UNC5D: variants seen among roughly 807,000 people sequenced by gnomAD.
UNC5D encodes unc-5 netrin receptor D, also known as netrin receptor UNC5D.
UNC5D carries 39 observed loss-of-function variants against 105.4 expected under a neutral mutation model. The ratio of observed to expected loss-of-function variants is 0.37; its 90% CI spans 0.29 to 0.48. The LOEUF is 0.48. Ranked by LOEUF, UNC5D falls within the 20% of genes least tolerant of loss-of-function variation. UNC5D has a pLI of 0.98. For missense variants in UNC5D, 991 were observed against 1,202.4 expected (o/e 0.82, Z 2.60); for synonymous variants, 452 against 450.4 (o/e 1.00, Z -0.04).
At chr8:35,538,351 C>T (rs1367377124) in intron 1 of UNC5D, among the ~76,000 whole-genome samples, 1 of 143,290 alleles carries the variant, frequency 7.0e-6, no homozygotes, top group South Asian at 2.3e-4. Flanking sequence ...ATACAGGGCC[C>T]ACGTCATGAA....
intron 4 of UNC5D, among the ~76,000 whole-genome samples, chr8:35,613,873 C>A (rs1418123734): frequency 6.6e-6 from 1 of 152,108 alleles, no homozygotes; most frequent in Admixed American, 6.5e-5. Context: ...AAACCCTGCA[C>A]ATTTTGGTAC....
Position 35,778,217 on chromosome 8 carries a change from G to A in UNC5D, c.2657+3740G>A, listed in dbSNP as rs369106732. 2.8e-4 allele frequency among the ~76,000 whole-genome samples: 42 copies of A among 152,278 alleles called. 1 individual carries two copies. Among genetic ancestry groups the A allele is most frequent in the African/African-American group, 9.6e-4 (40 of 41,564 alleles). On this transcript the variant is annotated intron_variant, in intron 16 of 16. Coordinates refer to ENST00000404895, the MANE Select transcript of UNC5D (RefSeq NM_080872.4). ...CTCATTCAGTTCTGTCTTCAGGCTG[G>A]TGTGGTTACAGCAGAGCTGGCCACC...
chr8:35,273,249 C>A (rs187348631), intron 1 of UNC5D, among the ~76,000 whole-genome samples: 1 of 152,264 alleles, frequency 6.6e-6, no homozygotes, highest in East Asian at 1.9e-4. Context: ...CAGCACTTCC[C>A]GAATTAATCA....
At chr8:35,651,339 A>G (rs1823389377) in intron 4 of UNC5D, among the ~76,000 whole-genome samples, 1 of 152,166 alleles carries the variant, frequency 6.6e-6, no homozygotes. Flanking sequence ...GAGTCAACAT[A>G]AAAGATAAAA....
intron 1 of UNC5D, among the ~76,000 whole-genome samples, chr8:35,362,307 A>T (rs1487824602): frequency 6.6e-6 from 1 of 152,148 alleles, no homozygotes; most frequent in African/African-American, 2.4e-5. Flanking sequence ...AAGTAAATGG[A>T]TTTTCCTTTT....
intron 1 of UNC5D, chr8:35,255,374 A>C (rs941389152): frequency 6.6e-6 from 1 of 152,214 alleles, no homozygotes; most frequent in African/African-American, 2.4e-5. Flanking sequence ...CAAGCTCTTC[A>C]GAAAAGTTAT....
chr8:35,578,271 A>T (rs1396036966), intron 3 of UNC5D, among the ~76,000 whole-genome samples: 16 of 113,850 alleles, frequency 1.4e-4, no homozygotes, highest in Admixed American at 3.2e-4. Flanking sequence ...CTCTGTCTCA[A>T]AAAAAAAAAA....
intron 15 of UNC5D, among the ~76,000 whole-genome samples, chr8:35,773,686 G>T (rs991856523): frequency 1.3e-5 from 2 of 151,742 alleles, no homozygotes; most frequent in Non-Finnish European, 2.9e-5. Flanking sequence ...AACAGAAAAA[G>T]AGTCTAATTC....
chr8:35,733,899 A>T (rs1345340418), intron 11 of UNC5D, among the ~76,000 whole-genome samples: 1 of 152,182 alleles, frequency 6.6e-6, no homozygotes, highest in African/African-American at 2.4e-5. Context: ...AGTAAGGTCT[A>T]TAGCTCAATG....
At chr8:35,587,796 T>A (rs1408816737) in intron 3 of UNC5D, among the ~76,000 whole-genome samples, 1 of 151,794 alleles carries the variant, frequency 6.6e-6, no homozygotes, top group Non-Finnish European at 1.5e-5. Context: ...AAGGGATCTT[T>A]TTTTGGACGT....
At chr8:35,676,608 A>G (rs1431895186) in intron 4 of UNC5D, among the ~76,000 whole-genome samples, 1 of 152,232 alleles carries the variant, frequency 6.6e-6, no homozygotes, top group Non-Finnish European at 1.5e-5. Flanking sequence ...ATTGTTAAAT[A>G]ATTTCTGAAC....
chr8:35,239,322 C>T (rs1396503749), intron 1 of UNC5D, among the ~76,000 whole-genome samples: 2 of 152,128 alleles, frequency 1.3e-5, no homozygotes, highest in Admixed American at 6.5e-5. Flanking sequence ...TTCTACACTG[C>T]GCTGTCTTAT....
chr8:35,460,351 A>T (rs1808803528), intron 1 of UNC5D, among the ~76,000 whole-genome samples: 1 of 152,260 alleles, frequency 6.6e-6, no homozygotes, highest in East Asian at 1.9e-4. Flanking sequence ...AGTGGAGCCA[A>T]CTCAGGAATC....
At position 35,595,645 on chromosome 8, in the gene UNC5D, C is replaced by A; in HGVS notation, c.558C>A (p.Val186=). 5 of 1,613,946 alleles carry A rather than the reference C, an allele frequency of 3.1e-6. No individual in the cohort carries two copies. The highest frequency in any genetic ancestry group is 4.2e-6 in the Non-Finnish European group (5 of 1,179,910). The change falls in exon 4 of 17, where the codon GTC becomes GTA. Residue 186 remains valine (V), a synonymous_variant. Transcript: ENST00000404895. ...TGCACTGCCGCCCACCAGAGGGAGT[C>A]CCTGCTGCCGAGGTAAGACAGGATC... ...IVLHCRPPEG[V]PAAEVEWLKN...
At chr8:35,248,960 TA>T (rs1357924201) in intron 1 of UNC5D, among the ~76,000 whole-genome samples, 7 of 94,534 alleles carry the variant, frequency 7.4e-5, no homozygotes, top group African/African-American at 2.2e-4. Flanking sequence ...TAAACATATA[TA>T]ATATATATTA....
chr8:35,755,789 T>A (rs768021142), intron 13 of UNC5D, among the ~76,000 whole-genome samples: 6 of 152,194 alleles, frequency 3.9e-5, no homozygotes, highest in Non-Finnish European at 8.8e-5. Flanking sequence ...CTCGGATTAT[T>A]AGTTTAACAA....
intron 1 of UNC5D, among the ~76,000 whole-genome samples, chr8:35,392,913 A>G (rs1053351909): frequency 6.6e-6 from 1 of 152,172 alleles, no homozygotes; most frequent in African/African-American, 2.4e-5. Flanking sequence ...AAAAGCAAGA[A>G]TTGTAGCATT....
At chr8:35,366,557 T>C (rs1040079436) in intron 1 of UNC5D, among the ~76,000 whole-genome samples, 1 of 152,162 alleles carries the variant, frequency 6.6e-6, no homozygotes, top group Non-Finnish European at 1.5e-5. Flanking sequence ...AATTGTCCAC[T>C]TACCCTTCCT....
At chr8:35,365,436 GA>G (rs1215554478) in intron 1 of UNC5D, among the ~76,000 whole-genome samples, 1 of 151,818 alleles carries the variant, frequency 6.6e-6, no homozygotes, top group Non-Finnish European at 1.5e-5. Context: ...ATTGGTATCT[GA>G]AAAAAACCAA....
Sources: gnomAD v4.1 joint callset for allele counts (sites outside exome capture counted in the v4.1 genomes callset) on GRCh38, gnomAD v4.1.1 for gene constraint, MANE v1.5 for transcripts, NCBI Gene and HGNC (gene_info 2026-07-23, HGNC 2026-07-21) for gene names.